Variants in BMPR2 observed in about 807,000 individuals in gnomAD.
BMPR2 encodes bone morphogenetic protein receptor type 2.
BMPR2 carries 29 observed loss-of-function variants against 100.8 expected under a neutral mutation model. The observed-to-expected ratio is 0.29, with a 90% confidence interval of 0.21 to 0.39. The LOEUF (loss-of-function observed/expected upper bound fraction) is 0.39, where lower values mean the gene tolerates loss of function less well. Among genes scored for constraint, BMPR2 ranks in the 10% least tolerant of loss-of-function variants. The probability of loss-of-function intolerance (pLI) is 1.00; values close to 1 mark genes in which losing one functional copy is unlikely to be tolerated. For missense variants in BMPR2, 1,011 were observed against 1,274.5 expected, an observed-to-expected ratio of 0.79 and a Z score of 3.15; for synonymous variants, 382 against 442.3, an observed-to-expected ratio of 0.86 and a Z score of 1.71.
chr2:202,410,553 A>G (rs1235489649), intron 1 of BMPR2, among the ~76,000 whole-genome samples: 1 of 152,194 alleles, frequency 6.6e-6, no homozygotes, highest in African/African-American at 2.4e-5. Context: ...ACTAATATAA[A>G]CAAGGGAGAA....
intron 3 of BMPR2, among the ~76,000 whole-genome samples, chr2:202,483,705 A>G (rs752151852): frequency 1.3e-5 from 2 of 152,130 alleles, no homozygotes; most frequent in Admixed American, 6.6e-5. Context: ...GCCCAGCCCA[A>G]AGTTTTTACT....
At chr2:202,440,098 G>GAA (rs1691701731) in intron 1 of BMPR2, among the ~76,000 whole-genome samples, 1 of 150,606 alleles carries the variant, frequency 6.6e-6, no homozygotes, top group African/African-American at 2.5e-5. Context: ...AGAACAAAAT[G>GAA]GAGTCTCCCA....
At chr2:202,515,012 T>A in intron 5 of BMPR2, 33 bp downstream of exon 5, 1 of 1,551,706 alleles carries the variant, frequency 6.4e-7, no homozygotes, top group Admixed American at 1.7e-5. Flanking sequence ...GACTGTTGTT[T>A]CTACTGTGAT....
At chr2:202,430,382 A>C (rs1691479634) in intron 1 of BMPR2, among the ~76,000 whole-genome samples, 1 of 152,184 alleles carries the variant, frequency 6.6e-6, no homozygotes, top group African/African-American at 2.4e-5. Flanking sequence ...ATTAGATTAC[A>C]CATTTCTTGA....
In BMPR2 at chr2:202,497,123, C is replaced by T. The variant is rs191986193; in HGVS notation, c.419-16596C>T. ...CCAACCGGCACTGCTCTTGATTTCT[C>T]ACCGGGTCTTAGCTGCCTTCCCGCG... On this transcript the variant is annotated intron_variant, in intron 3 of 12. Coordinates refer to ENST00000374580, the MANE Select transcript of BMPR2 (RefSeq NM_001204.7). 2.0e-5 allele frequency among the ~76,000 whole-genome samples: 3 copies of T among 152,356 alleles called. No homozygotes were observed. In the East Asian group the frequency reaches 5.8e-4, roughly 29 times the overall value.
At chr2:202,403,776 G>A (rs757298333) in intron 1 of BMPR2, among the ~76,000 whole-genome samples, 3 of 152,080 alleles carry the variant, frequency 2.0e-5, no homozygotes, top group Non-Finnish European at 4.4e-5. Flanking sequence ...GGAGTCCAAG[G>A]CGGGTGATCA....
intron 5 of BMPR2, among the ~76,000 whole-genome samples, chr2:202,516,648 CA>C (rs374984840): frequency 7.1e-5 from 10 of 141,506 alleles, no homozygotes; most frequent in Non-Finnish European, 4.6e-5. Context: ...GACCCTGTCT[CA>C]AAAAAAAAAG....
At chr2:202,467,263 C>T (rs1692342614) in intron 2 of BMPR2, among the ~76,000 whole-genome samples, 1 of 152,082 alleles carries the variant, frequency 6.6e-6, no homozygotes, top group South Asian at 2.1e-4. Context: ...AACTCCGCCT[C>T]AATAAATAAA....
intron 3 of BMPR2, among the ~76,000 whole-genome samples, chr2:202,481,176 C>G (rs886934287): frequency 6.6e-6 from 1 of 150,450 alleles, no homozygotes; most frequent in Non-Finnish European, 1.5e-5. Flanking sequence ...CTTTTCTCTT[C>G]TCTTCTCTTC....
intron 1 of BMPR2, among the ~76,000 whole-genome samples, chr2:202,443,260 C>T (rs1691782500): frequency 1.3e-5 from 2 of 150,702 alleles, no homozygotes; most frequent in African/African-American, 5.0e-5. Flanking sequence ...TGTGTGTGTA[C>T]AAATAGCTTT....
intron 3 of BMPR2, among the ~76,000 whole-genome samples, chr2:202,498,930 A>G (rs1202644608): frequency 2.0e-5 from 3 of 152,098 alleles, no homozygotes; most frequent in Non-Finnish European, 4.4e-5. Context: ...TGCAATTTAC[A>G]TCCCACAGGA....
chr2:202,458,699 G>A (rs1014717792), intron 1 of BMPR2, among the ~76,000 whole-genome samples: 1 of 152,084 alleles, frequency 6.6e-6, no homozygotes. Context: ...TTTATTTGAC[G>A]TGTATTTTTT....
At chr2:202,403,947 G>C (rs1690824609) in intron 1 of BMPR2, among the ~76,000 whole-genome samples, 1 of 150,866 alleles carries the variant, frequency 6.6e-6, no homozygotes, top group African/African-American at 2.4e-5. Flanking sequence ...GGAGGTTGTG[G>C]TGAGCCGAGA....
At chr2:202,393,859 A>C (rs561516820) in intron 1 of BMPR2, among the ~76,000 whole-genome samples, 43 of 145,666 alleles carry the variant, frequency 3.0e-4, no homozygotes, top group African/African-American at 1.1e-3. Flanking sequence ...AGAAGATGGC[A>C]TCTAATTAAG....
chr2:202,457,555 T>TAGAG (rs1173505874), intron 1 of BMPR2, among the ~76,000 whole-genome samples: 7 of 99,992 alleles, frequency 7.0e-5, no homozygotes, highest in African/African-American at 2.4e-4. Flanking sequence ...TATATATATA[T>TAGAG]ATATATAGAG....
rs1378849783 is a variant in BMPR2 at position 202,385,656 on chromosome 2, G to A, written c.76+8106G>A. On this transcript the variant is annotated intron_variant, in intron 1 of 12. Transcript: ENST00000374580. ...TGGGATTACAGGCGTGAGCCACCAC[G>A]CCTGGCAAAAAAAAAAAAAAAAGCA... is the stretch of plus-strand genomic sequence containing the variant. 1.0e-3 allele frequency among the ~76,000 whole-genome samples: 137 copies of A among 133,672 alleles called. 1 individual carries two copies. The highest frequency in any genetic ancestry group is 3.4e-3 in the African/African-American group (127 of 37,540). The allele number at this position is 133,672 out of a possible 152,430, so 87.7% of individuals were successfully genotyped here. A position where few individuals can be genotyped will look rare whatever the true frequency, so the allele number is the denominator to read the frequency against.
At chr2:202,401,880 T>A (rs566108060) in intron 1 of BMPR2, among the ~76,000 whole-genome samples, 1 of 152,254 alleles carries the variant, frequency 6.6e-6, no homozygotes, top group African/African-American at 2.4e-5. Flanking sequence ...TTGTTCTGTA[T>A]GATGCAGTAA....
intron 1 of BMPR2, among the ~76,000 whole-genome samples, chr2:202,427,170 T>C (rs1170326816): frequency 1.3e-5 from 2 of 151,948 alleles, no homozygotes; most frequent in African/African-American, 4.8e-5. Context: ...GCCAACATAG[T>C]GAGACCCCCG....
intron 3 of BMPR2, among the ~76,000 whole-genome samples, chr2:202,468,806 G>A (rs1040132148): frequency 5.9e-5 from 9 of 151,986 alleles, no homozygotes; most frequent in Non-Finnish European, 1.3e-4. Flanking sequence ...AATATTAGAT[G>A]CAAAAAGTAC....
Sources: allele counts gnomAD v4.1 joint callset (sites outside exome capture counted in the v4.1 genomes callset), GRCh38; gene constraint gnomAD v4.1.1; transcripts MANE v1.5; gene names NCBI Gene and HGNC (gene_info 2026-07-23, HGNC 2026-07-21).